The following NCKAP5 variants were observed in gnomAD, a reference collection of about 807,000 sequenced individuals.
NCKAP5 encodes NCK associated protein 5, also known as nck-associated protein 5.
In NCKAP5, 92 loss-of-function variants were observed where a neutral mutation model predicts 167.0. The ratio of observed to expected loss-of-function variants is 0.55; its 90% CI spans 0.47 to 0.66. The LOEUF (loss-of-function observed/expected upper bound fraction) is 0.66. Ranked by LOEUF, NCKAP5 falls within the 30% of genes least tolerant of loss-of-function variation. NCKAP5 has a pLI of 0.00. For missense variants in NCKAP5, 2,378 were observed against 2,315.0 expected, an observed-to-expected ratio of 1.03 and a Z score of -0.56; for synonymous variants, 891 against 877.4, an observed-to-expected ratio of 1.02 and a Z score of -0.27.
chr2:133,251,050 C>T (rs1468617070), intron 4 of NCKAP5, among the ~76,000 whole-genome samples: 2 of 151,802 alleles, frequency 1.3e-5, no homozygotes, highest in Non-Finnish European at 2.9e-5. Flanking sequence ...TTCATCCAAC[C>T]ACACACTGAA....
Position 133,006,626 on chromosome 2 carries a change from ATT to A in NCKAP5, c.342-12389_342-12388del, listed in dbSNP as rs11325580. On this transcript the variant is annotated intron_variant, in intron 6 of 19. Coordinates refer to ENST00000409261, the MANE Select transcript of NCKAP5 (RefSeq NM_207363.3). Reference sequence around the variant, plus strand: ...CACAGTTTTTATTTTATTTTATTTTATTTTTTTTTTGACACATGTTTAGTCAT... The same window carrying A: ...CACAGTTTTTATTTTATTTTATTTTATTTTTTTTGACACATGTTTAGTCAT... 4.9e-3 allele frequency among the ~76,000 whole-genome samples: 596 copies of A among 121,448 alleles called. 7 individuals carry two copies. Among genetic ancestry groups the A allele is most frequent in the African/African-American group, 0.015 (515 of 34,696 alleles). The allele number at this position is 121,448 out of a possible 152,430, so 79.7% of individuals were successfully genotyped here.
At chr2:133,024,381 C>T (rs2078626917) in intron 6 of NCKAP5, among the ~76,000 whole-genome samples, 1 of 152,170 alleles carries the variant, frequency 6.6e-6, no homozygotes, top group Non-Finnish European at 1.5e-5. Flanking sequence ...AAGTTTTACT[C>T]ATATCTTACA....
At chr2:132,707,329 C>G (rs1454314361) in intron 19 of NCKAP5, among the ~76,000 whole-genome samples, 2 of 152,246 alleles carry the variant, frequency 1.3e-5, no homozygotes, top group Non-Finnish European at 2.9e-5. Context: ...CCGGCCTTAG[C>G]CAGAGGGAAA....
At chr2:133,251,837 A>T (rs1218689214) in intron 4 of NCKAP5, among the ~76,000 whole-genome samples, 2 of 152,164 alleles carry the variant, frequency 1.3e-5, no homozygotes, top group Non-Finnish European at 2.9e-5. Flanking sequence ...ATTCCTTTTA[A>T]CAGCAATGAA....
chr2:133,322,950 T>C (rs1574699642), intron 3 of NCKAP5, among the ~76,000 whole-genome samples: 1 of 152,192 alleles, frequency 6.6e-6, no homozygotes, highest in Admixed American at 6.5e-5. Flanking sequence ...ATGCTGCTTG[T>C]CCAGGGACCA....
intron 3 of NCKAP5, among the ~76,000 whole-genome samples, chr2:133,355,873 A>T (rs1684678503): frequency 6.6e-6 from 1 of 152,052 alleles, no homozygotes. Flanking sequence ...TTTGAGCAAA[A>T]GTACCCTCAG....
chr2:133,448,704 A>T (rs917248135), intron 3 of NCKAP5, among the ~76,000 whole-genome samples: 2 of 152,112 alleles, frequency 1.3e-5, no homozygotes, highest in Non-Finnish European at 1.5e-5. Flanking sequence ...CAGTGGCATG[A>T]TCACAGCTTA....
At chr2:133,653,725 T>C in the NCKAP5 span, among the ~76,000 whole-genome samples, 1 of 152,244 alleles carries the variant, frequency 6.6e-6, no homozygotes, top group South Asian at 2.1e-4. Flanking sequence ...CCTAGAGTTC[T>C]GTAAGCTGCT....
At chr2:132,932,710 C>A (rs1265600332) in intron 8 of NCKAP5, among the ~76,000 whole-genome samples, 1 of 152,114 alleles carries the variant, frequency 6.6e-6, no homozygotes, top group African/African-American at 2.4e-5. Flanking sequence ...TATGATACCC[C>A]TGAATATACA....
intron 8 of NCKAP5, among the ~76,000 whole-genome samples, chr2:132,961,335 T>C (rs931449822): frequency 7.5e-6 from 1 of 132,616 alleles, no homozygotes; most frequent in African/African-American, 3.2e-5. Flanking sequence ...GATATATTTA[T>C]ATATATTTAC....
intron 6 of NCKAP5, among the ~76,000 whole-genome samples, chr2:133,019,340 GA>G: frequency 6.6e-6 from 1 of 152,282 alleles, no homozygotes; most frequent in South Asian, 2.1e-4. Flanking sequence ...AAGGGATAAA[GA>G]GAAGCAAAGA....
intron 8 of NCKAP5, among the ~76,000 whole-genome samples, chr2:132,888,355 A>G (rs1018906115): frequency 1.3e-5 from 2 of 152,092 alleles, no homozygotes; most frequent in East Asian, 1.9e-4. Context: ...GCAAACATCA[A>G]TATAAATTTG....
rs749605766 is a variant in NCKAP5, at chr2:132,785,558, G to A, written c.1253C>T (p.Pro418Leu). 7.5e-6 allele frequency: 12 copies of A among 1,600,654 alleles called. No individual in the cohort carries two copies. Among genetic ancestry groups the A allele is most frequent in the Non-Finnish European group, 9.4e-6 (11 of 1,173,824 alleles). Residue 418 changes from proline to leucine, a missense_variant, in exon 14 of 20, where the codon CCA (proline) becomes CTA (leucine). Coordinates refer to ENST00000409261, the MANE Select transcript of NCKAP5 (RefSeq NM_207363.3). ...ATAACCCCATTTGGTTATCACTGAT[G>A]GGGGTTCAAGTAACACTTTTCGCTT... ...LQKRKVLLEP[P>L]SVITKWGYKD...
At chr2:132,802,338 A>G (rs923651316) in intron 11 of NCKAP5, among the ~76,000 whole-genome samples, 1 of 152,150 alleles carries the variant, frequency 6.6e-6, no homozygotes, top group African/African-American at 2.4e-5. Flanking sequence ...TCAGAAAAAG[A>G]ACTTACTGCT....
upstream of NCKAP5, among the ~76,000 whole-genome samples, chr2:133,571,991 C>T (rs1688884961): frequency 1.3e-5 from 2 of 151,170 alleles, no homozygotes; most frequent in African/African-American, 4.9e-5. Context: ...AAAAAAAACC[C>T]AGAACCAAAA....
the NCKAP5 span, among the ~76,000 whole-genome samples, chr2:133,590,242 G>A: frequency 6.6e-6 from 1 of 152,074 alleles, no homozygotes; most frequent in Non-Finnish European, 1.5e-5. Flanking sequence ...TGTAATTCCA[G>A]CACTTTGGGA....
chr2:133,170,641 T>C (rs776249910), intron 5 of NCKAP5, among the ~76,000 whole-genome samples: 3 of 152,232 alleles, frequency 2.0e-5, no homozygotes, highest in Non-Finnish European at 4.4e-5. Flanking sequence ...TAAAGAGAAA[T>C]GTCATTCTGC....
Position 133,568,453 on chromosome 2 carries a change from G to A in NCKAP5, c.-367C>T, listed in dbSNP as rs1186420980. ...GACTTGCTCCCTGGGCTGCGGCTCC[G>A]TAGTTGCTTCGAGCTTGTAAATACA... On this transcript the variant is annotated 5_prime_UTR_variant, in exon 1 of 20. In the 5' UTR this introduces an upstream ATG that the reference lacks. Transcript: ENST00000409261. 2 of 152,092 alleles carry A rather than the reference G, an allele frequency of 1.3e-5. No homozygotes were observed. The highest frequency in any genetic ancestry group is 4.8e-5 in the African/African-American group (2 of 41,408). The allele number at this position is 152,092 out of a possible 1,614,324, so 9.4% of individuals were successfully genotyped here. A position where few individuals can be genotyped will look rare whatever the true frequency, so the allele number is the denominator to read the frequency against.
chr2:133,596,313 C>T, the NCKAP5 span: 52,038 of 152,358 alleles, frequency 0.34, 10,219 homozygotes, highest in Middle Eastern at 0.53. Flanking sequence ...TGCTAGAACC[C>T]CCGAACAAGC....
Sources: gnomAD v4.1 joint callset for allele counts (sites outside exome capture counted in the v4.1 genomes callset) on GRCh38, gnomAD v4.1.1 for gene constraint, MANE v1.5 for transcripts, NCBI Gene and HGNC (gene_info 2026-07-23, HGNC 2026-07-21) for gene names.